Variants in EFNA5 observed in about 807,000 individuals in gnomAD.
The protein encoded by EFNA5 is ephrin A5, also known as ephrin-A5.
EFNA5 carries 5 observed loss-of-function variants against 22.9 expected under a neutral mutation model. The ratio of observed to expected loss-of-function variants is 0.22; its 90% CI spans 0.11 to 0.46. The LOEUF (loss-of-function observed/expected upper bound fraction) is 0.46, where lower values mean the gene tolerates loss of function less well. Among genes scored for constraint, EFNA5 ranks in the 20% least tolerant of loss-of-function variants. The probability of loss-of-function intolerance (pLI) is 0.99; values close to 1 mark genes in which losing one functional copy is unlikely to be tolerated. For missense variants in EFNA5, 237 were observed against 293.3 expected, an observed-to-expected ratio of 0.81 and a Z score of 1.40; for synonymous variants, 113 against 112.2, an observed-to-expected ratio of 1.01 and a Z score of -0.04.
chr5:107,501,843 C>A (rs186413528), intron 1 of EFNA5, among the ~76,000 whole-genome samples: 1 of 152,090 alleles, frequency 6.6e-6, no homozygotes, highest in Non-Finnish European at 1.5e-5. Context: ...AAACAAAAAA[C>A]GGCCATAAGG....
chr5:107,489,917 T>A (rs72789626), intron 1 of EFNA5, among the ~76,000 whole-genome samples: 14,864 of 152,196 alleles, frequency 0.098, 851 homozygotes, highest in Middle Eastern at 0.16. Flanking sequence ...CTGGACTTAG[T>A]TCCAATGTCC....
intron 1 of EFNA5, among the ~76,000 whole-genome samples, chr5:107,550,176 T>A (rs929023276): frequency 6.6e-6 from 1 of 152,216 alleles, no homozygotes; most frequent in Non-Finnish European, 1.5e-5. Flanking sequence ...AGATTTCTGA[T>A]GGGTACACAA....
chr5:107,473,295 T>A (rs1750194078), intron 1 of EFNA5, among the ~76,000 whole-genome samples: 1 of 149,634 alleles, frequency 6.7e-6, no homozygotes, highest in African/African-American at 2.5e-5. Flanking sequence ...CTGAGTCTAC[T>A]CATCTTAGTG....
chr5:107,377,873 A>G lies in EFNA5; in HGVS notation c.*3382T>C, dbSNP rs1747309566. On this transcript the variant is annotated 3_prime_UTR_variant, in exon 5 of 5. Transcript: ENST00000333274. ...AGGGAGGGTGGGCCACAGGGCTCCA[A>G]CATCAGACCTTGAAAACACCGAGGA... 6.6e-6 allele frequency: 1 copy of G among 152,226 alleles called. No individual in the cohort carries two copies. The highest frequency in any genetic ancestry group is 1.5e-5 in the Non-Finnish European group (1 of 68,048). 9.4% of individuals were successfully genotyped at this position (152,226 alleles called of 1,614,324 possible). A position where few individuals can be genotyped will look rare whatever the true frequency, so the allele number is the denominator to read the frequency against.
At chr5:107,396,536 T>G (rs969597742) in intron 2 of EFNA5, among the ~76,000 whole-genome samples, 2 of 152,032 alleles carry the variant, frequency 1.3e-5, no homozygotes, top group Non-Finnish European at 2.9e-5. Context: ...GCTTCTGAGG[T>G]TGTGAGTTCT....
At chr5:107,437,601 TCTC>T (rs1749150334) in intron 1 of EFNA5, among the ~76,000 whole-genome samples, 1 of 152,242 alleles carries the variant, frequency 6.6e-6, no homozygotes, top group Non-Finnish European at 1.5e-5. Flanking sequence ...TACGTATAGA[TCTC>T]CTTGAAAATA....
intron 1 of EFNA5, among the ~76,000 whole-genome samples, chr5:107,655,206 A>C (rs1030644077): frequency 1.3e-5 from 2 of 152,136 alleles, no homozygotes; most frequent in Non-Finnish European, 2.9e-5. Context: ...ACTGTAACTA[A>C]TATCATTCAT....
At chr5:107,591,541 G>T (rs1428116602) in intron 1 of EFNA5, among the ~76,000 whole-genome samples, 1 of 151,870 alleles carries the variant, frequency 6.6e-6, no homozygotes, top group Non-Finnish European at 1.5e-5. Flanking sequence ...AATGTATTGA[G>T]GCCGGGTGCA....
At chr5:107,432,053 T>C (rs74639955) in intron 1 of EFNA5, among the ~76,000 whole-genome samples, 3,076 of 152,286 alleles carry the variant, frequency 0.02, 92 homozygotes, top group African/African-American at 0.071. Context: ...TGGGTTACCT[T>C]TATATTTACA....
intron 1 of EFNA5, among the ~76,000 whole-genome samples, chr5:107,644,263 T>G (rs1024282536): frequency 3.9e-5 from 6 of 152,198 alleles, no homozygotes; most frequent in African/African-American, 1.4e-4. Flanking sequence ...ATAGTCACCT[T>G]GGCTCAGATT....
chr5:107,492,856 G>C (rs543606328), intron 1 of EFNA5, among the ~76,000 whole-genome samples: 2 of 152,060 alleles, frequency 1.3e-5, no homozygotes, highest in Non-Finnish European at 2.9e-5. Flanking sequence ...AAAATTAGCA[G>C]AGTGTGGTGG....
intron 1 of EFNA5, among the ~76,000 whole-genome samples, chr5:107,480,375 G>C (rs564059383): frequency 6.6e-6 from 1 of 152,316 alleles, no homozygotes; most frequent in South Asian, 2.1e-4. Context: ...GGGGTACAAA[G>C]ATGTATCAAA....
intron 1 of EFNA5, among the ~76,000 whole-genome samples, chr5:107,641,189 T>C (rs1750501967): frequency 6.6e-6 from 1 of 151,912 alleles, no homozygotes; most frequent in South Asian, 2.1e-4. Flanking sequence ...GAAACCCATC[T>C]CTACTAAAAA....
chr5:107,499,471 C>G (rs1369168683), intron 1 of EFNA5, among the ~76,000 whole-genome samples: 1 of 152,178 alleles, frequency 6.6e-6, no homozygotes, highest in Admixed American at 6.5e-5. Flanking sequence ...CACATACTAC[C>G]AAGCATGGTT....
chr5:107,609,298 T>C (rs995573256), intron 1 of EFNA5, among the ~76,000 whole-genome samples: 4 of 152,174 alleles, frequency 2.6e-5, no homozygotes, highest in Non-Finnish European at 4.4e-5. Flanking sequence ...AATGAGAATT[T>C]ACTATCAATA....
chr5:107,502,307 A>T (rs887873665), intron 1 of EFNA5, among the ~76,000 whole-genome samples: 1 of 152,216 alleles, frequency 6.6e-6, no homozygotes, highest in Non-Finnish European at 1.5e-5. Flanking sequence ...TGTTTAGACC[A>T]GTCTCGTCTT....
intron 1 of EFNA5, among the ~76,000 whole-genome samples, chr5:107,574,138 T>C (rs591470): frequency 0.5 from 75,727 of 152,104 alleles, 20,141 homozygotes; most frequent in African/African-American, 0.66. Flanking sequence ...TAACTATCAA[T>C]TGGTTTTCTT....
At chr5:107,629,158 A>AT (rs1750193857) in intron 1 of EFNA5, among the ~76,000 whole-genome samples, 1 of 152,188 alleles carries the variant, frequency 6.6e-6, no homozygotes. Flanking sequence ...TAAAACTAAC[A>AT]TTTTAAGTGT....
intron 1 of EFNA5, among the ~76,000 whole-genome samples, chr5:107,633,043 A>G (rs1308698460): frequency 1.3e-5 from 2 of 152,160 alleles, no homozygotes; most frequent in African/African-American, 2.4e-5. Flanking sequence ...TTGCTTTCCA[A>G]TAAATGACAC....
Sources: gnomAD v4.1 joint callset for allele counts (sites outside exome capture counted in the v4.1 genomes callset) on GRCh38, gnomAD v4.1.1 for gene constraint, MANE v1.5 for transcripts, NCBI Gene and HGNC (gene_info 2026-07-23, HGNC 2026-07-21) for gene names.